CSMD1: variants seen among roughly 807,000 people sequenced by gnomAD.
The protein encoded by CSMD1 is CUB and Sushi multiple domains 1.
Under a neutral mutation model 417.5 loss-of-function variants are expected in CSMD1, and 213 were observed. The observed-to-expected ratio is 0.51, with a 90% CI of 0.46 to 0.57. CSMD1 has a LOEUF of 0.57. Ranked by LOEUF, CSMD1 falls within the 20% of genes least tolerant of loss-of-function variation. CSMD1 has a pLI of 0.00. For missense variants in CSMD1, 6,923 were observed against 4,529.7 expected (o/e 1.53, Z -15.17); for synonymous variants, 2,862 against 1,736.8 (o/e 1.65, Z -16.11).
chr8:4,138,573 G>C (rs949488576), intron 3 of CSMD1, among the ~76,000 whole-genome samples: 1 of 152,018 alleles, frequency 6.6e-6, no homozygotes, highest in Non-Finnish European at 1.5e-5. Context: ...CCCTGGATCA[G>C]ATCCTAGATT....
intron 25 of CSMD1, among the ~76,000 whole-genome samples, chr8:3,294,562 G>C (rs1803821662): frequency 1.8e-5 from 2 of 108,868 alleles, no homozygotes; most frequent in African/African-American, 5.1e-5. Flanking sequence ...CTTGCAGTTT[G>C]ATCTGACTGC....
chr8:3,969,906 A>G (rs1381914194), intron 5 of CSMD1, among the ~76,000 whole-genome samples: 1 of 151,636 alleles, frequency 6.6e-6, no homozygotes, highest in South Asian at 2.1e-4. Context: ...TTGCAAAAAC[A>G]AACAAACCAA....
chr8:4,108,220 C>G (rs1288419391), intron 3 of CSMD1, among the ~76,000 whole-genome samples: 4 of 152,010 alleles, frequency 2.6e-5, no homozygotes, highest in Non-Finnish European at 5.9e-5. Flanking sequence ...ATGTGAAGTC[C>G]TTCGTAAACA....
intron 5 of CSMD1, among the ~76,000 whole-genome samples, chr8:3,836,248 T>G (rs894342275): frequency 3.9e-5 from 6 of 152,192 alleles, no homozygotes; most frequent in African/African-American, 1.4e-4. Context: ...TTTGGTTATC[T>G]GCTCTTATTT....
At chr8:3,474,916 A>C (rs889597618) in intron 11 of CSMD1, among the ~76,000 whole-genome samples, 7 of 152,168 alleles carry the variant, frequency 4.6e-5, no homozygotes, top group Non-Finnish European at 1.0e-4. Flanking sequence ...GGAAAATATA[A>C]TTTTATTTTG....
intron 3 of CSMD1, among the ~76,000 whole-genome samples, chr8:4,151,301 G>C (rs1016153274): frequency 6.6e-6 from 1 of 152,128 alleles, no homozygotes; most frequent in African/African-American, 2.4e-5. Context: ...CATTTGCCTT[G>C]TTATAGATCC....
At chr8:4,408,929 T>G (rs1796494219) in intron 3 of CSMD1, among the ~76,000 whole-genome samples, 1 of 152,192 alleles carries the variant, frequency 6.6e-6, no homozygotes, top group African/African-American at 2.4e-5. Context: ...ACATCAGAAA[T>G]CATAAATTTA....
chr8:4,118,372 C>G (rs1359138502), intron 3 of CSMD1, among the ~76,000 whole-genome samples: 1 of 147,452 alleles, frequency 6.8e-6, no homozygotes, highest in African/African-American at 2.5e-5. Context: ...GTCTAACATC[C>G]AGAATCTACA....
At chr8:3,194,922 C>A (rs1437326291) in intron 33 of CSMD1, among the ~76,000 whole-genome samples, 1 of 152,030 alleles carries the variant, frequency 6.6e-6, no homozygotes. Context: ...GATGGTGACC[C>A]GGAAAACATG....
At chr8:3,260,400 AAC>A (rs1289567535) in intron 26 of CSMD1, among the ~76,000 whole-genome samples, 1 of 150,290 alleles carries the variant, frequency 6.7e-6, no homozygotes, top group Non-Finnish European at 1.5e-5. Flanking sequence ...AGGTTTGGAA[AAC>A]ACATAGAAGG....
At chr8:3,322,656 C>G (rs1312475304) in intron 23 of CSMD1, among the ~76,000 whole-genome samples, 1 of 152,158 alleles carries the variant, frequency 6.6e-6, no homozygotes, top group African/African-American at 2.4e-5. Context: ...GTCACCTGGC[C>G]TCCAGGTGTG....
intron 11 of CSMD1, among the ~76,000 whole-genome samples, chr8:3,471,526 T>C (rs1388667085): frequency 6.6e-6 from 1 of 150,838 alleles, no homozygotes; most frequent in Non-Finnish European, 1.5e-5. Flanking sequence ...CCTTCCTTCG[T>C]TCCTTCCTTC....
intron 8 of CSMD1, among the ~76,000 whole-genome samples, chr8:3,586,497 C>G (rs1018898427): frequency 2.6e-5 from 4 of 151,934 alleles, no homozygotes; most frequent in Non-Finnish European, 5.9e-5. Context: ...TAAACAAACA[C>G]ATGAACCTTA....
chr8:4,705,445 C>T (rs1047734460), intron 1 of CSMD1, among the ~76,000 whole-genome samples: 1 of 152,162 alleles, frequency 6.6e-6, no homozygotes, highest in Non-Finnish European at 1.5e-5. Flanking sequence ...GCCTGTCATT[C>T]AAAAGTGTGC....
chr8:3,090,677 T>C (rs1395049790), intron 48 of CSMD1, among the ~76,000 whole-genome samples: 1 of 152,190 alleles, frequency 6.6e-6, no homozygotes, highest in African/African-American at 2.4e-5. Flanking sequence ...CACATATTGT[T>C]CACTTCCCAT....
chr8:3,082,723 C>G (rs1458355527), intron 49 of CSMD1, among the ~76,000 whole-genome samples: 2 of 152,164 alleles, frequency 1.3e-5, no homozygotes, highest in Non-Finnish European at 2.9e-5. Flanking sequence ...CATCGCTTTG[C>G]CTGTACTCTT....
At chr8:3,557,231 T>C (rs999872999) in intron 10 of CSMD1, among the ~76,000 whole-genome samples, 6 of 152,204 alleles carry the variant, frequency 3.9e-5, no homozygotes, top group Non-Finnish European at 8.8e-5. Flanking sequence ...TATTTGGCCA[T>C]TTTTAGGACC....
At chr8:3,167,969 G>A (rs1262759028) in intron 37 of CSMD1, among the ~76,000 whole-genome samples, 1 of 151,680 alleles carries the variant, frequency 6.6e-6, no homozygotes, top group African/African-American at 2.4e-5. Flanking sequence ...GACTTTTGTA[G>A]ATATTATGAA....
intron 3 of CSMD1, among the ~76,000 whole-genome samples, chr8:4,057,042 T>G (rs1250724261): frequency 7.2e-5 from 11 of 152,312 alleles, no homozygotes; most frequent in African/African-American, 2.6e-4. Context: ...GTCCTTTGGG[T>G]ATGTACCCAG....
Sources: gnomAD v4.1 joint callset for allele counts (sites outside exome capture counted in the v4.1 genomes callset) on GRCh38, gnomAD v4.1.1 for gene constraint, MANE v1.5 for transcripts, NCBI Gene and HGNC (gene_info 2026-07-23, HGNC 2026-07-21) for gene names.